The following VPS13C variants were observed in gnomAD, a reference collection of about 807,000 sequenced individuals.
The protein encoded by VPS13C is vacuolar protein sorting 13 homolog C.
A neutral mutation model predicts 456.8 loss-of-function variants in VPS13C; 358 were observed. That is an observed-to-expected ratio of 0.78 (90% CI 0.72 to 0.86). The LOEUF is 0.86. Ranked by LOEUF, VPS13C falls within the 40% of genes least tolerant of loss-of-function variation. The probability of loss-of-function intolerance (pLI) is 0.00; values close to 1 mark genes in which losing one functional copy is unlikely to be tolerated. For synonymous variants in VPS13C, 1,578 were observed against 1,486.7 expected, an observed-to-expected ratio of 1.06 and a Z score of -1.41; for missense variants, 4,818 against 4,385.4, an observed-to-expected ratio of 1.10 and a Z score of -2.79.
intron 2 of VPS13C, among the ~76,000 whole-genome samples, chr15:62,042,853 C>T: frequency 6.6e-6 from 1 of 151,706 alleles, no homozygotes; most frequent in Admixed American, 6.6e-5. Context: ...CAACATGGCA[C>T]ATGTATACAT....
At chr15:61,951,213 A>G (rs2044780910) in intron 39 of VPS13C, among the ~76,000 whole-genome samples, 189 bp from the exon 40 acceptor site, 2 of 152,110 alleles carry the variant, frequency 1.3e-5, no homozygotes, top group African/African-American at 4.8e-5. Flanking sequence ...AACAAATTCC[A>G]TAAAACAAAA....
chr15:61,953,835 T>C (rs958742516), intron 38 of VPS13C, among the ~76,000 whole-genome samples: 1 of 152,096 alleles, frequency 6.6e-6, no homozygotes, highest in Non-Finnish European at 1.5e-5. Context: ...CTCCCTACCA[T>C]CAGCACCCCA....
At chr15:61,931,011 C>G in intron 50 of VPS13C, 79 bp downstream of exon 50, 1 of 1,533,948 alleles carries the variant, frequency 6.5e-7, no homozygotes, top group Non-Finnish European at 9.0e-7. Context: ...TGGATGATCC[C>G]TAGCCTAGCA....
Position 61,881,047 on chromosome 15 carries a change from T to G in VPS13C, c.9777-93A>C. On this transcript the variant is annotated intron_variant, in intron 71 of 84. Coordinates refer to ENST00000644861, the MANE Select transcript of VPS13C (RefSeq NM_020821.3). ...TGATTTCAGTGAAAAGCCACAGTTA[T>G]ATCTTGTTCCTTCATCTCCTAAAAA... 5.0e-6 allele frequency: 5 copies of G among 1,008,106 alleles called. No individual in the cohort carries two copies. In the South Asian group the frequency reaches 9.1e-5, roughly 18 times the overall value. The allele number at this position is 1,008,106 out of a possible 1,614,324, so 62.4% of individuals were successfully genotyped here. A position where few individuals can be genotyped will look rare whatever the true frequency, so the allele number is the denominator to read the frequency against.
intron 62 of VPS13C, among the ~76,000 whole-genome samples, chr15:61,913,058 T>C (rs1303628785): frequency 6.7e-6 from 1 of 150,022 alleles, no homozygotes; most frequent in African/African-American, 2.5e-5. Flanking sequence ...TGTGGAGAAA[T>C]AGGAACACTT....
rs926970950 is a variant in VPS13C at position 61,947,402 on chromosome 15, T to C, written c.4760-93A>G. 4.5e-5 allele frequency: 42 copies of C among 930,434 alleles called. 1 individual carries two copies. The Admixed American group carries it at 9.2e-4, about 20-fold the overall frequency. 57.6% of individuals were successfully genotyped at this position (930,434 alleles called of 1,614,324 possible). On this transcript the variant is annotated intron_variant, in intron 42 of 84. Transcript: ENST00000644861. ...AATCCACCAAAATAAAAGTACCCAA[T>C]GTACTCTGAGGAACCAAAATGCCCT...
Position 61,856,402 on chromosome 15 carries a change from A to G in VPS13C, c.10960T>C (p.Leu3654=). ...TILMVTNRRV[L]CIKEVEILGL... is the part of the protein sequence containing the mutation. ...AGGATTTCAACTTCCTTTATACACA[A>G]CACTCGCCTATTTTGCAAAAGAAAA... is the stretch of plus-strand genomic sequence containing the variant. Residue 3654 remains leucine, a synonymous_variant, in exon 83 of 85, where the codon TTG becomes CTG. Coordinates refer to ENST00000644861, the MANE Select transcript of VPS13C (RefSeq NM_020821.3). 2.5e-6 allele frequency: 4 copies of G among 1,610,656 alleles called. No homozygotes were observed. Among genetic ancestry groups the G allele is most frequent in the Admixed American group, 1.7e-5 (1 of 59,366 alleles).
rs952054724 is a variant in VPS13C at position 61,945,984 on chromosome 15, G to C, written c.4981-102C>G. 3 of 1,001,148 alleles carry C rather than the reference G, an allele frequency of 3.0e-6. No individual in the cohort carries two copies. In the African/African-American group the frequency reaches 5.0e-5, roughly 17 times the overall value. The allele number at this position is 1,001,148 out of a possible 1,614,324, so 62.0% of individuals were successfully genotyped here. A position where few individuals can be genotyped will look rare whatever the true frequency, so the allele number is the denominator to read the frequency against. On this transcript the variant is annotated intron_variant, in intron 44 of 84. Coordinates refer to ENST00000644861, the MANE Select transcript of VPS13C (RefSeq NM_020821.3). ...CGTATTACAGAATCCTTGATAAGTAGAAATATATGAATTCAACATTAAAAA... is the reference window on the plus strand; with the variant it reads ...CGTATTACAGAATCCTTGATAAGTACAAATATATGAATTCAACATTAAAAA...
chr15:62,045,565 T>G (rs1006042655), intron 1 of VPS13C, among the ~76,000 whole-genome samples: 4 of 152,078 alleles, frequency 2.6e-5, no homozygotes. Flanking sequence ...GTCAGAAAGG[T>G]AGGCAAGGGC....
chr15:61,916,783 T>C (rs1596327663), intron 60 of VPS13C, among the ~76,000 whole-genome samples: 1 of 152,140 alleles, frequency 6.6e-6, no homozygotes, highest in African/African-American at 2.4e-5. Context: ...CAGACAGTAA[T>C]TATTTTTTTT....
chr15:62,035,112 T>C (rs1412183290), intron 3 of VPS13C, 60 bp from the exon 4 acceptor site: 2 of 1,285,860 alleles, frequency 1.6e-6, no homozygotes, highest in African/African-American at 3.0e-5. Flanking sequence ...CACAAAAATT[T>C]CTCACTTTCC....
chr15:61,963,878 A>G lies in VPS13C; in HGVS notation c.3288T>C (p.Ile1096=). Residue 1096 remains isoleucine (I), a synonymous_variant, in exon 32 of 85, where the codon ATT becomes ATC. Transcript: ENST00000644861. ...LFAKLNAFCV[I]VCNEKNNIAE... ...CGATATTGTTCTTTTCGTTGCAAAC[A>G]ATGACACAGAAAGCATTCAACTTGG... 1 of 1,612,550 alleles carries G rather than the reference A, an allele frequency of 6.2e-7. No homozygotes were observed. Among genetic ancestry groups the G allele is most frequent in the Non-Finnish European group, 8.5e-7 (1 of 1,179,030 alleles).
intron 6 of VPS13C, among the ~76,000 whole-genome samples, chr15:62,027,477 G>C (rs1411424653): frequency 6.6e-6 from 1 of 152,086 alleles, no homozygotes; most frequent in Non-Finnish European, 1.5e-5. Context: ...ACTGCTTTCA[G>C]GGTAATTTCA....
rs189582225 is a variant in VPS13C, at chr15:62,035,675, G to A, written c.188-623C>T. 4.4e-4 allele frequency among the ~76,000 whole-genome samples: 67 copies of A among 152,034 alleles called. 1 individual carries two copies. In the East Asian group the frequency reaches 0.012, roughly 27 times the overall value. ...GGCTAGCTCTAAAAGCAAGGCATAC[G>A]GTATTATGAATAGTATTATGAGTCA... On this transcript the variant is annotated intron_variant, in intron 3 of 84. Transcript: ENST00000644861.
At chr15:61,893,723 G>A (rs1468043536) in intron 66 of VPS13C, among the ~76,000 whole-genome samples, 1 of 151,794 alleles carries the variant, frequency 6.6e-6, no homozygotes, top group Non-Finnish European at 1.5e-5. Context: ...TGAGACAACA[G>A]AATGCCAAGA....
intron 18 of VPS13C, among the ~76,000 whole-genome samples, chr15:61,989,836 T>C (rs759256938): frequency 6.6e-6 from 1 of 152,216 alleles, no homozygotes; most frequent in South Asian, 2.1e-4. Context: ...CGCATACTGA[T>C]AGCGGAAGTG....
intron 74 of VPS13C, among the ~76,000 whole-genome samples, chr15:61,877,839 G>A (rs1037844719): frequency 1.3e-5 from 2 of 151,900 alleles, no homozygotes; most frequent in South Asian, 2.1e-4. Flanking sequence ...CCATCACTGT[G>A]TTTTCCCTTT....
In VPS13C at chr15:61,963,821, G is replaced by T. The variant is rs764575550; in HGVS notation, c.3331+14C>A. ...TATCTTTTCGCCAATTTTCAATGCC[G>T]TGTGAACTTTTACCTTGAATCTTGA... On this transcript the variant is annotated intron_variant, in intron 32 of 84. Transcript: ENST00000644861. The T allele has an allele frequency of 3.8e-6, 6 of 1,567,462 alleles. No individual in the cohort carries two copies. In the African/African-American group the frequency reaches 5.4e-5, roughly 14 times the overall value.
At chr15:61,936,229 G>A (rs1008616360) in intron 48 of VPS13C, among the ~76,000 whole-genome samples, 12 of 152,112 alleles carry the variant, frequency 7.9e-5, no homozygotes, top group Non-Finnish European at 1.5e-4. Context: ...CCTTTCTCAT[G>A]GTTCAATCAC....
Sources: allele counts gnomAD v4.1 joint callset (sites outside exome capture counted in the v4.1 genomes callset), GRCh38; gene constraint gnomAD v4.1.1; transcripts MANE v1.5; gene names NCBI Gene and HGNC (gene_info 2026-07-23, HGNC 2026-07-21).